The following KCNH5 variants were observed in gnomAD, a reference collection of about 807,000 sequenced individuals.
The protein encoded by KCNH5 is voltage-gated delayed rectifier potassium channel KCNH5.
Under a neutral mutation model 96.1 loss-of-function variants are expected in KCNH5, and 46 were observed. The ratio of observed to expected loss-of-function variants is 0.48; its 90% CI spans 0.38 to 0.61. The LOEUF (loss-of-function observed/expected upper bound fraction) is 0.61. KCNH5 is among the 20% of genes least tolerant of loss of function. The pLI is 0.00. For missense variants in KCNH5, 907 were observed against 1,225.8 expected (o/e 0.74, Z 3.88); for synonymous variants, 439 against 449.8 (o/e 0.98, Z 0.30).
intron 10 of KCNH5, among the ~76,000 whole-genome samples, chr14:62,753,256 T>C (rs139359185): frequency 0.013 from 1,968 of 151,904 alleles, 14 homozygotes; most frequent in Non-Finnish European, 0.021. Flanking sequence ...TGATCAAGCA[T>C]GAGAAACAAC....
chr14:62,742,776 C>G (rs1885297734), intron 10 of KCNH5, among the ~76,000 whole-genome samples: 1 of 152,118 alleles, frequency 6.6e-6, no homozygotes, highest in African/African-American at 2.4e-5. Context: ...GCAGAAGGCC[C>G]TTAGATCAAA....
In KCNH5 at chr14:62,707,691, C is replaced by A. The variant is rs772229113; in HGVS notation, c.2784G>T (p.Met928Ile). Residue 928 changes from methionine (M) to isoleucine (I), a missense_variant, in exon 11 of 11, where the codon ATG becomes ATT. Physicochemically the swap from Met to Ile is conservative, Grantham distance 10. This residue lies in a region of KCNH5 where 362 missense variants were observed against 394.4 expected (regional missense o/e 0.92). Coordinates refer to ENST00000322893, the MANE Select transcript of KCNH5 (RefSeq NM_139318.5). ...CTGCCACCTGCTTTTCTAGGGCAGT[C>A]ATTCTGCAGCTGAGCAGCTGGATGT... ...KEDIQLLSCR[M>I]TALEKQVAEI... 6.3e-7 allele frequency: 1 copy of A among 1,594,528 alleles called. No individual in the cohort carries two copies. The highest frequency in any genetic ancestry group is 1.1e-5 in the South Asian group (1 of 89,842).
intron 10 of KCNH5, among the ~76,000 whole-genome samples, chr14:62,757,425 C>T (rs1308779632): frequency 1.3e-5 from 2 of 152,264 alleles, no homozygotes; most frequent in Middle Eastern, 3.4e-3. Flanking sequence ...TATGATCTAG[C>T]ACCCCCACTG....
chr14:62,828,660 C>T (rs557944400), intron 8 of KCNH5, among the ~76,000 whole-genome samples: 137 of 152,258 alleles, frequency 9.0e-4, no homozygotes, highest in African/African-American at 3.1e-3. Flanking sequence ...CAAATCACCT[C>T]CTACAGGTCC....
intron 2 of KCNH5, among the ~76,000 whole-genome samples, chr14:63,013,786 T>C (rs554755465): frequency 1.1e-4 from 17 of 152,138 alleles, no homozygotes; most frequent in South Asian, 2.1e-4. Flanking sequence ...TTTTTTCCAG[T>C]GTCATTATCC....
chr14:62,735,772 G>A (rs1885143201), intron 10 of KCNH5, among the ~76,000 whole-genome samples: 2 of 150,976 alleles, frequency 1.3e-5, no homozygotes, highest in Admixed American at 6.6e-5. Flanking sequence ...GGTCTTTACA[G>A]GGTTAATTGA....
At chr14:62,853,595 C>T (rs1887868184) in intron 7 of KCNH5, among the ~76,000 whole-genome samples, 1 of 150,910 alleles carries the variant, frequency 6.6e-6, no homozygotes, top group South Asian at 2.1e-4. Context: ...CTTCTTGATG[C>T]TGATCAAACA....
chr14:62,822,227 T>C (rs1887130108), intron 8 of KCNH5, among the ~76,000 whole-genome samples: 1 of 152,150 alleles, frequency 6.6e-6, no homozygotes, highest in Non-Finnish European at 1.5e-5. Context: ...TATGCAACTC[T>C]TATAAAAATC....
chr14:62,852,429 T>G, intron 7 of KCNH5, among the ~76,000 whole-genome samples: 1 of 152,234 alleles, frequency 6.6e-6, no homozygotes, highest in East Asian at 1.9e-4. Context: ...TTTTGTAATT[T>G]TATTTTGAAA....
chr14:62,787,124 C>G (rs72625628), intron 9 of KCNH5, among the ~76,000 whole-genome samples: 6,980 of 152,276 alleles, frequency 0.046, 346 homozygotes, highest in East Asian at 0.26. Flanking sequence ...AAAGCTAGGC[C>G]TCTTGCACCA....
At chr14:62,846,547 T>C (rs1887694907) in intron 8 of KCNH5, among the ~76,000 whole-genome samples, 1 of 151,778 alleles carries the variant, frequency 6.6e-6, no homozygotes. Flanking sequence ...TTCTGATATT[T>C]ATGTTAGGTC....
chr14:62,803,395 AT>A (rs1886704760), intron 8 of KCNH5, among the ~76,000 whole-genome samples: 2 of 152,102 alleles, frequency 1.3e-5, no homozygotes, highest in South Asian at 4.1e-4. Flanking sequence ...CTCTTGATAT[AT>A]TTTTTTCACT....
intron 8 of KCNH5, among the ~76,000 whole-genome samples, chr14:62,808,159 A>C (rs1886806152): frequency 6.6e-6 from 1 of 152,172 alleles, no homozygotes; most frequent in Non-Finnish European, 1.5e-5. Flanking sequence ...ACAGTTTTAC[A>C]TGTAAGGTGT....
chr14:62,739,010 G>T (rs1325538609), intron 10 of KCNH5, among the ~76,000 whole-genome samples: 2 of 152,096 alleles, frequency 1.3e-5, no homozygotes, highest in Non-Finnish European at 2.9e-5. Flanking sequence ...ATTCCAGACA[G>T]AGGGAATAAA....
intron 10 of KCNH5, among the ~76,000 whole-genome samples, chr14:62,734,114 G>A (rs1415554250): frequency 6.6e-6 from 1 of 151,992 alleles, no homozygotes; most frequent in African/African-American, 2.4e-5. Flanking sequence ...TTGGCCAATG[G>A]CTCAATATAT....
rs994756789 is a variant in KCNH5 at position 62,699,798 on chromosome 14, A to C, written c.*7710T>G. 3 of 152,186 alleles carry C rather than the reference A, an allele frequency of 2.0e-5. No homozygotes were observed. Among genetic ancestry groups the C allele is most frequent in the African/African-American group, 7.2e-5 (3 of 41,458 alleles). The allele number at this position is 152,186 out of a possible 1,614,324, so 9.4% of individuals were successfully genotyped here. On this transcript the variant is annotated 3_prime_UTR_variant, in exon 11 of 11. Transcript: ENST00000322893. ...AGGTGATAGGTCAACAGTACATACA[A>C]AATTTCTATATTATACATTGCAGTA...
Position 62,754,828 on chromosome 14 carries a change from T to C in KCNH5, c.2019+24900A>G, listed in dbSNP as rs550930053. Among the ~76,000 whole-genome samples the C allele has an allele frequency of 2.0e-5, 3 of 151,872 alleles. No homozygotes were observed. In the South Asian group the frequency reaches 6.2e-4, roughly 32 times the overall value. Reference sequence around the variant, plus strand: ...AGACAGAGGTTGCAGTGAGCTGAAATTGCTCCACTGCGCTCCAGCCTGGGT... The same window carrying C: ...AGACAGAGGTTGCAGTGAGCTGAAACTGCTCCACTGCGCTCCAGCCTGGGT... On this transcript the variant is annotated intron_variant, in intron 10 of 10. Transcript: ENST00000322893.
intron 9 of KCNH5, among the ~76,000 whole-genome samples, chr14:62,781,536 GC>G (rs1021331886): frequency 2.6e-5 from 4 of 152,154 alleles, no homozygotes; most frequent in African/African-American, 9.7e-5. Flanking sequence ...AGACGGCCAC[GC>G]CCGGCGGGGG....
intron 4 of KCNH5, 64 bp from the exon 5 acceptor site, chr14:62,987,251 G>A: frequency 8.7e-7 from 1 of 1,152,638 alleles, no homozygotes; most frequent in Non-Finnish European, 1.3e-6. Context: ...CAACATTCTT[G>A]CTAGCATTAA....
Sources: allele counts gnomAD v4.1 joint callset (sites outside exome capture counted in the v4.1 genomes callset), GRCh38; gene constraint gnomAD v4.1.1; regional missense constraint gnomAD v4.1.1; transcripts MANE v1.5; gene names NCBI Gene and HGNC (gene_info 2026-07-23, HGNC 2026-07-21).